ITSN1: variants seen among roughly 807,000 people sequenced by gnomAD.
ITSN1 encodes the protein intersectin-1.
In ITSN1, 58 loss-of-function variants were observed where a neutral mutation model predicts 239.8. That is an observed-to-expected ratio of 0.24 (90% CI 0.20 to 0.30). ITSN1 has a LOEUF of 0.30. Ranked by LOEUF, ITSN1 falls within the 10% of genes least tolerant of loss-of-function variation. The probability of loss-of-function intolerance (pLI) is 1.00; values close to 1 mark genes in which losing one functional copy is unlikely to be tolerated. For synonymous variants in ITSN1, 780 were observed against 770.8 expected (o/e 1.01, Z -0.20); for missense variants, 1,558 against 2,103.3 (o/e 0.74, Z 5.07).
chr21:33,818,972 A>T (rs2073469072), intron 23 of ITSN1, among the ~76,000 whole-genome samples: 1 of 152,240 alleles, frequency 6.6e-6, no homozygotes, highest in South Asian at 2.1e-4. Flanking sequence ...ATATTCAATG[A>T]GCATCTCTCA....
intron 1 of ITSN1, among the ~76,000 whole-genome samples, chr21:33,647,398 A>C (rs1056592898): frequency 1.3e-5 from 2 of 152,122 alleles, no homozygotes; most frequent in African/African-American, 4.8e-5. Context: ...TTTTTGCTTA[A>C]CATCTTGTCA....
chr21:33,733,153 A>G (rs561300953), intron 4 of ITSN1, among the ~76,000 whole-genome samples: 1 of 152,324 alleles, frequency 6.6e-6, no homozygotes, highest in East Asian at 1.9e-4. Flanking sequence ...CCGGATCACA[A>G]TATACCAGAG....
At chr21:33,688,045 T>C (rs1286232232) in intron 1 of ITSN1, among the ~76,000 whole-genome samples, 1 of 152,060 alleles carries the variant, frequency 6.6e-6, no homozygotes, top group Non-Finnish European at 1.5e-5. Context: ...TATTTTATGA[T>C]ATAAAGTTTT....
At chr21:33,811,367 G>T in intron 21 of ITSN1, 145 bp downstream of exon 21, 1 of 684,434 alleles carries the variant, frequency 1.5e-6, no homozygotes. Flanking sequence ...TCTCTAGCTG[G>T]CGAATTGGAG....
At chr21:33,699,409 C>T (rs1190233001) in intron 1 of ITSN1, among the ~76,000 whole-genome samples, 1 of 152,136 alleles carries the variant, frequency 6.6e-6, no homozygotes, top group Non-Finnish European at 1.5e-5. Flanking sequence ...GGACACCATT[C>T]AGTGGGTTTA....
At chr21:33,770,533 C>T (rs1467975108) in intron 11 of ITSN1, among the ~76,000 whole-genome samples, 1 of 152,164 alleles carries the variant, frequency 6.6e-6, no homozygotes, top group African/African-American at 2.4e-5. Context: ...TCCCAAGATA[C>T]TTTCCTCACC....
Position 33,658,379 on chromosome 21 carries a change from G to A in ITSN1, c.-33+15666G>A, listed in dbSNP as rs192322538. ...AGGGTCAACTACTTATACAAACCGA[G>A]GTGGTATAGCCTACTATACACCTAG... On this transcript the variant is annotated intron_variant, in intron 1 of 39. Coordinates refer to ENST00000381318, the MANE Select transcript of ITSN1 (RefSeq NM_003024.3). 8.0e-4 allele frequency among the ~76,000 whole-genome samples: 121 copies of A among 152,180 alleles called. No individual in the cohort carries two copies. In the Middle Eastern group the frequency reaches 0.014, roughly 17 times the overall value.
rs1463348526 is a variant in ITSN1, at chr21:33,797,319, G to C, written c.1953-60G>C. 1 of 1,430,156 alleles carries C rather than the reference G, an allele frequency of 7.0e-7. No homozygotes were observed. The highest frequency in any genetic ancestry group is 9.8e-7 in the Non-Finnish European group (1 of 1,023,890). 88.6% of individuals were successfully genotyped at this position (1,430,156 alleles called of 1,614,324 possible). On this transcript the variant is annotated intron_variant, in intron 17 of 39. Transcript: ENST00000381318. The surrounding 1 kb of genome is among the most constrained non-coding windows in gnomAD (Gnocchi z 4.9). ...GATGGAGCTTTTTTTGTGAAAAGAG[G>C]CAACAGTAGTGTTAACTTAGAGTTG...
chr21:33,898,289 C>T lies in ITSN1; in HGVS notation c.*9989C>T, dbSNP rs1372620817. 2.0e-5 allele frequency: 3 copies of T among 152,246 alleles called. No individual in the cohort carries two copies. The highest frequency in any genetic ancestry group is 3.8e-4 in the East Asian group (2 of 5,204). The allele number at this position is 152,246 out of a possible 1,614,324, so 9.4% of individuals were successfully genotyped here. ...TCCATGAAATTTCCTGATGCATCCT[C>T]ACTGTCTTCAACTGTTGCATAGCCA... On this transcript the variant is annotated 3_prime_UTR_variant, in exon 40 of 40. Transcript: ENST00000381318.
Position 33,767,843 on chromosome 21 carries a change from A to G in ITSN1, c.1042+15A>G. The G allele has an allele frequency of 7.4e-7, 1 of 1,351,912 alleles. No individual in the cohort carries two copies. 83.7% of individuals were successfully genotyped at this position (1,351,912 alleles called of 1,614,324 possible). ...GAAATTACCTGGTAAGGCAGCCTTT[A>G]TGTTGAGTTAAATCATTTAGATTAA... On this transcript the variant is annotated intron_variant, in intron 11 of 39. Transcript: ENST00000381318.
intron 3 of ITSN1, 24 bp from the exon 4 acceptor site, chr21:33,722,564 A>C: frequency 1.3e-6 from 2 of 1,488,290 alleles, no homozygotes; most frequent in Non-Finnish European, 8.9e-7. Flanking sequence ...TTTTTTCCTG[A>C]AACTTTTTCT....
At position 33,750,139 on chromosome 21, in the gene ITSN1, A is replaced by AT; in HGVS notation, c.347-3dup. ...AATGGTGTTGAGCTGTTTTTTCTTC[A>AT]TAGGTATGGGAGGTATCGCCAGCAT... On this transcript the variant is annotated splice_polypyrimidine_tract_variant and splice_region_variant and intron_variant, in intron 5 of 39. Transcript: ENST00000381318. 1 of 1,613,596 alleles carries AT rather than the reference A, an allele frequency of 6.2e-7. No individual in the cohort carries two copies. Among genetic ancestry groups the AT allele is most frequent in the South Asian group, 1.1e-5 (1 of 90,996 alleles).
At chr21:33,685,680 C>T (rs1342606724) in intron 1 of ITSN1, among the ~76,000 whole-genome samples, 1 of 148,576 alleles carries the variant, frequency 6.7e-6, no homozygotes, top group East Asian at 2.0e-4. Flanking sequence ...TATTGGTTGA[C>T]TCATTCTTTG....
chr21:33,883,017 G>T (rs764695369), intron 35 of ITSN1, among the ~76,000 whole-genome samples: 1 of 152,136 alleles, frequency 6.6e-6, no homozygotes, highest in Non-Finnish European at 1.5e-5. Flanking sequence ...CTGCATGGGG[G>T]TGTTTTTACA....
intron 34 of ITSN1, among the ~76,000 whole-genome samples, chr21:33,879,061 A>G (rs898732008): frequency 1.3e-5 from 2 of 152,108 alleles, no homozygotes; most frequent in Admixed American, 6.6e-5. Context: ...GAAGCATTGG[A>G]GGCAGGCCAA....
intron 5 of ITSN1, among the ~76,000 whole-genome samples, chr21:33,745,854 G>C (rs144944894): frequency 1.3e-5 from 2 of 152,210 alleles, no homozygotes; most frequent in Non-Finnish European, 2.9e-5. Flanking sequence ...GCCCGAGTCA[G>C]CTGCAAACTC....
At chr21:33,690,773 G>GCGTA (rs2091474439) in intron 1 of ITSN1, among the ~76,000 whole-genome samples, 2 of 38,230 alleles carry the variant, frequency 5.2e-5, no homozygotes, top group Non-Finnish European at 9.3e-5. Context: ...AAAAAAAAAA[G>GCGTA]TGTATATATA....
chr21:33,676,382 A>G (rs189036044), intron 1 of ITSN1, among the ~76,000 whole-genome samples: 2 of 151,438 alleles, frequency 1.3e-5, no homozygotes, highest in East Asian at 3.9e-4. Context: ...TTCTTCTACA[A>G]CACTTTCTCT....
chr21:33,834,209 G>A (rs2074468875), intron 27 of ITSN1, 98 bp from the exon 28 acceptor site: 1 of 818,626 alleles, frequency 1.2e-6, no homozygotes, highest in South Asian at 1.7e-5. Context: ...TTGTTTTTCA[G>A]TTATATGTAA....
Sources: allele counts gnomAD v4.1 joint callset (sites outside exome capture counted in the v4.1 genomes callset), GRCh38; gene constraint gnomAD v4.1.1; non-coding constraint Gnocchi (gnomAD v3.1); transcripts MANE v1.5; gene names NCBI Gene and HGNC (gene_info 2026-07-23, HGNC 2026-07-21).